Variants in KCND3 observed in about 807,000 individuals in gnomAD.
KCND3 encodes the protein potassium voltage-gated channel subfamily D member 3.
KCND3 carries 9 observed loss-of-function variants against 51.1 expected under a neutral mutation model. The ratio of observed to expected loss-of-function variants is 0.18; its 90% CI spans 0.11 to 0.31. KCND3 has a LOEUF of 0.31. Ranked by LOEUF, KCND3 falls within the 10% of genes least tolerant of loss-of-function variation. The pLI, the probability that KCND3 is intolerant of heterozygous loss-of-function variation, is 1.00. For missense variants in KCND3, 526 were observed against 903.8 expected, an observed-to-expected ratio of 0.58 and a Z score of 5.36; for synonymous variants, 349 against 368.0, an observed-to-expected ratio of 0.95 and a Z score of 0.59.
At chr1:111,948,228 C>G (rs1479993414) in intron 2 of KCND3, among the ~76,000 whole-genome samples, 1 of 152,226 alleles carries the variant, frequency 6.6e-6, no homozygotes, top group Non-Finnish European at 1.5e-5. Context: ...CTATTTCAAG[C>G]CACGGGGCTG....
At chr1:111,811,631 C>T (rs879716245) in intron 2 of KCND3, among the ~76,000 whole-genome samples, 9 of 152,152 alleles carry the variant, frequency 5.9e-5, no homozygotes, top group Non-Finnish European at 1.0e-4. Context: ...ATGCGCTCTT[C>T]GGATCGTCCA....
intron 7 of KCND3, among the ~76,000 whole-genome samples, chr1:111,776,688 GT>G (rs1266991231): frequency 6.6e-6 from 1 of 152,036 alleles, no homozygotes; most frequent in Non-Finnish European, 1.5e-5. Context: ...TACGAAAACT[GT>G]TTCTTGAGAA....
chr1:111,822,072 A>C (rs572742448), intron 2 of KCND3, among the ~76,000 whole-genome samples: 5 of 131,706 alleles, frequency 3.8e-5, no homozygotes, highest in South Asian at 5.3e-4. Flanking sequence ...GTGGGGGCTC[A>C]AGCAGTCTTT....
chr1:111,986,748 A>T (rs1159385529), intron 1 of KCND3, among the ~76,000 whole-genome samples: 1 of 152,162 alleles, frequency 6.6e-6, no homozygotes, highest in Admixed American at 6.5e-5. Flanking sequence ...AAGGAAGTAG[A>T]GCATCTGGGC....
At chr1:111,825,320 C>G (rs892566205) in intron 2 of KCND3, among the ~76,000 whole-genome samples, 1 of 152,152 alleles carries the variant, frequency 6.6e-6, no homozygotes, top group East Asian at 1.9e-4. Flanking sequence ...GGCACAATGG[C>G]CCATCAGCTC....
At chr1:111,872,314 G>A (rs1453194456) in intron 2 of KCND3, among the ~76,000 whole-genome samples, 1 of 152,202 alleles carries the variant, frequency 6.6e-6, no homozygotes, top group African/African-American at 2.4e-5. Context: ...CTGAGGTTAA[G>A]TAAATTTGGC....
In KCND3 at chr1:111,958,543, A is replaced by G. The variant is rs907212564; in HGVS notation, c.1106+23078T>C. Among the ~76,000 whole-genome samples, 33 of 152,250 alleles carry G rather than the reference A, an allele frequency of 2.2e-4. No individual in the cohort carries two copies. In the South Asian group the frequency reaches 2.3e-3, roughly 10 times the overall value. On this transcript the variant is annotated intron_variant, in intron 2 of 7. Transcript: ENST00000302127. ...GAAGCGGCTAGAAACAGGAAAATTAAGTAGAATCGAAATTGGTGAAATAAA... is the reference window on the plus strand; with the variant it reads ...GAAGCGGCTAGAAACAGGAAAATTAGGTAGAATCGAAATTGGTGAAATAAA...
intron 2 of KCND3, among the ~76,000 whole-genome samples, chr1:111,934,538 C>G (rs1305987163): frequency 6.6e-6 from 1 of 152,170 alleles, no homozygotes; most frequent in East Asian, 1.9e-4. Context: ...TAAATTAATC[C>G]CAGACCAGCG....
Position 111,776,060 on chromosome 1 carries a change from C to T in KCND3, c.*17G>A. 1 of 1,613,924 alleles carries T rather than the reference C, an allele frequency of 6.2e-7. No individual in the cohort carries two copies. On this transcript the variant is annotated 3_prime_UTR_variant, in exon 8 of 8. Coordinates refer to ENST00000302127, the MANE Select transcript of KCND3 (RefSeq NM_001378969.1). ...CTTCATTCCCCACTACCCACTCTGG[C>T]CCTCTGTCCAGTGGTTTTACAAGGC...
At chr1:111,893,431 G>T (rs2101768138) in intron 2 of KCND3, among the ~76,000 whole-genome samples, 1 of 152,298 alleles carries the variant, frequency 6.6e-6, no homozygotes, top group Non-Finnish European at 1.5e-5. Context: ...TTGGAAGAAT[G>T]ATGGCCTTGG....
chr1:111,812,629 T>C (rs1665906985), intron 2 of KCND3, among the ~76,000 whole-genome samples: 2 of 152,214 alleles, frequency 1.3e-5, no homozygotes. Context: ...TCTCTTATCA[T>C]CCCCATTTTA....
At chr1:111,813,422 C>T (rs1665945673) in intron 2 of KCND3, among the ~76,000 whole-genome samples, 1 of 152,236 alleles carries the variant, frequency 6.6e-6, no homozygotes, top group Non-Finnish European at 1.5e-5. Flanking sequence ...AGTCTCTTCT[C>T]CCTCAGCAGG....
At chr1:111,979,436 A>T (rs910954907) in intron 2 of KCND3, among the ~76,000 whole-genome samples, 1 of 152,244 alleles carries the variant, frequency 6.6e-6, no homozygotes, top group African/African-American at 2.4e-5. Context: ...AGTGCCTGGC[A>T]TATAGTACTC....
At chr1:111,889,161 C>T (rs879550760) in intron 2 of KCND3, among the ~76,000 whole-genome samples, 27 of 152,280 alleles carry the variant, frequency 1.8e-4, no homozygotes, top group African/African-American at 6.3e-4. Flanking sequence ...TGCTCTTCCC[C>T]GGACCAGCCA....
At chr1:111,852,013 G>T (rs1366136208) in intron 2 of KCND3, among the ~76,000 whole-genome samples, 1 of 152,238 alleles carries the variant, frequency 6.6e-6, no homozygotes, top group Admixed American at 6.5e-5. Context: ...AGCTGCCACT[G>T]TCTGGATAAT....
intron 2 of KCND3, among the ~76,000 whole-genome samples, chr1:111,807,178 A>G (rs1367149074): frequency 6.6e-6 from 1 of 152,248 alleles, no homozygotes; most frequent in Non-Finnish European, 1.5e-5. Flanking sequence ...AACCAGAAGA[A>G]AATGATGATA....
At chr1:111,806,698 T>C (rs917020363) in intron 2 of KCND3, among the ~76,000 whole-genome samples, 6 of 152,122 alleles carry the variant, frequency 3.9e-5, no homozygotes, top group African/African-American at 1.4e-4. Context: ...AACGAAGTAA[T>C]AAGGAATCAT....
chr1:111,814,180 G>T (rs979893690), intron 2 of KCND3, among the ~76,000 whole-genome samples: 1 of 152,246 alleles, frequency 6.6e-6, no homozygotes, highest in Non-Finnish European at 1.5e-5. Context: ...TATGCTACGT[G>T]CCGGGCATTG....
chr1:111,804,859 T>C (rs1665489222), intron 2 of KCND3, among the ~76,000 whole-genome samples: 1 of 152,192 alleles, frequency 6.6e-6, no homozygotes, highest in South Asian at 2.1e-4. Context: ...GCCCGGGCGG[T>C]CTGCCTCAGG....
Sources: gnomAD v4.1 joint callset for allele counts (sites outside exome capture counted in the v4.1 genomes callset) on GRCh38, gnomAD v4.1.1 for gene constraint, MANE v1.5 for transcripts, NCBI Gene and HGNC (gene_info 2026-07-23, HGNC 2026-07-21) for gene names.